The following CCDC178 variants were observed in gnomAD, a reference collection of about 807,000 sequenced individuals.
CCDC178 encodes the protein coiled-coil domain-containing protein 178.
A neutral mutation model predicts 117.4 loss-of-function variants in CCDC178; 126 were observed. The ratio of observed to expected loss-of-function variants is 1.07; its 90% confidence interval spans 0.93 to 1.24. The LOEUF is 1.24. Among genes scored for constraint, CCDC178 ranks in the 50% most tolerant of loss-of-function variants. The probability of loss-of-function intolerance (pLI) is 0.00; values close to 1 mark genes in which losing one functional copy is unlikely to be tolerated. For synonymous variants in CCDC178, 283 were observed against 313.4 expected (o/e 0.90, Z 1.02); for missense variants, 1,030 against 986.9 (o/e 1.04, Z -0.59).
At chr18:33,251,787 C>G (rs2059621043) in intron 14 of CCDC178, among the ~76,000 whole-genome samples, 1 of 151,658 alleles carries the variant, frequency 6.6e-6, no homozygotes. Context: ...CTAGGGCCCA[C>G]CAAACCAGGA....
At chr18:33,265,005 T>C (rs2059795809) in intron 14 of CCDC178, among the ~76,000 whole-genome samples, 1 of 152,060 alleles carries the variant, frequency 6.6e-6, no homozygotes, top group African/African-American at 2.4e-5. Context: ...TCTTCAGATG[T>C]TTGTTTGCTT....
At position 33,137,947 on chromosome 18, in the gene CCDC178, G is replaced by A. The variant is rs538075645; in HGVS notation, c.2239-45037C>T. On this transcript the variant is annotated intron_variant, in intron 20 of 22. Transcript: ENST00000383096. ...AATAGTGTAATGGAAAGTGGACAAG[G>A]CGAACATTTAGGATATATTCTTTAG... Among the ~76,000 whole-genome samples the A allele has an allele frequency of 8.5e-5, 13 of 152,310 alleles. No homozygotes were observed. The South Asian group carries it at 2.5e-3, about 29-fold the overall frequency.
At chr18:32,944,121 A>G (rs2054296753) in intron 22 of CCDC178, among the ~76,000 whole-genome samples, 2 of 152,128 alleles carry the variant, frequency 1.3e-5, no homozygotes, top group South Asian at 4.1e-4. Flanking sequence ...AGCACAAAAT[A>G]TGGTTTGGCC....
chr18:33,388,721 G>A (rs893032053), intron 5 of CCDC178, among the ~76,000 whole-genome samples: 8 of 150,488 alleles, frequency 5.3e-5, no homozygotes, highest in African/African-American at 9.8e-5. Context: ...GGGTTTCACC[G>A]TTTTAGCCGG....
chr18:33,281,747 T>TCTTACCTGTG (rs1275389977), intron 12 of CCDC178, among the ~76,000 whole-genome samples: 2 of 152,262 alleles, frequency 1.3e-5, no homozygotes, highest in Non-Finnish European at 2.9e-5. Flanking sequence ...GGTGTATCAT[T>TCTTACCTGTG]CTTACCTGTG....
chr18:33,241,981 C>G (rs1210781840), intron 15 of CCDC178, among the ~76,000 whole-genome samples: 1 of 151,782 alleles, frequency 6.6e-6, no homozygotes, highest in Non-Finnish European at 1.5e-5. Flanking sequence ...GCAAAAAGAT[C>G]AAAGCTGTAG....
At chr18:33,338,426 T>C (rs1178414489) in intron 9 of CCDC178, among the ~76,000 whole-genome samples, 1 of 151,962 alleles carries the variant, frequency 6.6e-6, no homozygotes, top group African/African-American at 2.4e-5. Context: ...GGAAAAGAAG[T>C]ATATGAAAAA....
intron 11 of CCDC178, among the ~76,000 whole-genome samples, chr18:33,322,795 G>A (rs978563454): frequency 1.3e-5 from 2 of 151,204 alleles, no homozygotes; most frequent in Non-Finnish European, 3.0e-5. Flanking sequence ...AGAAATGAAT[G>A]TTATCTAGGT....
chr18:33,129,921 T>G (rs2058050545), intron 20 of CCDC178, among the ~76,000 whole-genome samples: 1 of 151,964 alleles, frequency 6.6e-6, no homozygotes, highest in Non-Finnish European at 1.5e-5. Context: ...GTTTTATATA[T>G]TTCATAATAT....
chr18:33,099,068 A>T (rs976385345), intron 20 of CCDC178, among the ~76,000 whole-genome samples: 1 of 152,046 alleles, frequency 6.6e-6, no homozygotes, highest in African/African-American at 2.4e-5. Flanking sequence ...GAGTCAACAG[A>T]AATATTTTCT....
intron 20 of CCDC178, among the ~76,000 whole-genome samples, chr18:33,164,103 CTTTTTT>C (rs34932085): frequency 1.3e-4 from 14 of 111,344 alleles, no homozygotes; most frequent in African/African-American, 4.6e-4. Context: ...CGCTTACATT[CTTTTTT>C]TTTTTTTTTT....
chr18:33,287,594 C>T (rs1045858662), intron 12 of CCDC178, among the ~76,000 whole-genome samples: 3 of 151,980 alleles, frequency 2.0e-5, no homozygotes, highest in African/African-American at 4.8e-5. Context: ...GTCTGGCCAA[C>T]AGGGCGAAAC....
chr18:33,326,798 GC>G (rs2145023904), intron 10 of CCDC178, among the ~76,000 whole-genome samples: 1 of 151,946 alleles, frequency 6.6e-6, no homozygotes, highest in South Asian at 2.1e-4. Context: ...CTTGAAGGCA[GC>G]CTTCTCTCTC....
At chr18:33,125,805 G>C (rs1179684846) in intron 20 of CCDC178, among the ~76,000 whole-genome samples, 1 of 152,200 alleles carries the variant, frequency 6.6e-6, no homozygotes, top group African/African-American at 2.4e-5. Context: ...GCCTTCTGCT[G>C]AAGTGCTCAG....
rs150563552 is a variant in CCDC178, at chr18:33,181,092, C to T, written c.2238+30804G>A. Among the ~76,000 whole-genome samples the T allele has an allele frequency of 4.6e-5, 7 of 151,846 alleles. No homozygotes were observed. The East Asian group carries it at 9.7e-4, about 21-fold the overall frequency. ...GGAGGAAAAAAAGTACAATTGATTGCGTGGCCAAATTTCTGTTCATGCCTG... is the reference window on the plus strand; with the variant it reads ...GGAGGAAAAAAAGTACAATTGATTGTGTGGCCAAATTTCTGTTCATGCCTG... On this transcript the variant is annotated intron_variant, in intron 20 of 22. Coordinates refer to ENST00000383096, the MANE Select transcript of CCDC178 (RefSeq NM_001105528.4).
intron 21 of CCDC178, among the ~76,000 whole-genome samples, chr18:33,075,956 C>T (rs1462470044): frequency 6.6e-6 from 1 of 152,034 alleles, no homozygotes; most frequent in Non-Finnish European, 1.5e-5. Context: ...GGTACAAAAG[C>T]AAAACTTCAT....
At chr18:33,336,594 T>G (rs571927250) in intron 9 of CCDC178, among the ~76,000 whole-genome samples, 1 of 152,234 alleles carries the variant, frequency 6.6e-6, no homozygotes, top group African/African-American at 2.4e-5. Flanking sequence ...GAACACCCTA[T>G]TCTCAAAACT....
At chr18:33,039,167 C>T (rs1042609116) in intron 21 of CCDC178, among the ~76,000 whole-genome samples, 1 of 151,754 alleles carries the variant, frequency 6.6e-6, no homozygotes. Context: ...CAAATAAAAA[C>T]ATAATCAATA....
At chr18:33,020,672 G>A (rs1020167890) in intron 21 of CCDC178, among the ~76,000 whole-genome samples, 4 of 152,092 alleles carry the variant, frequency 2.6e-5, no homozygotes, top group East Asian at 1.9e-4. Context: ...CTAAAATTAC[G>A]TACTGAGTTT....
Sources: allele counts gnomAD v4.1 joint callset (sites outside exome capture counted in the v4.1 genomes callset), GRCh38; gene constraint gnomAD v4.1.1; transcripts MANE v1.5; gene names NCBI Gene and HGNC (gene_info 2026-07-23, HGNC 2026-07-21).